Variants in ADAM19 observed in about 807,000 individuals in gnomAD.
The protein encoded by ADAM19 is ADAM metallopeptidase domain 19, also known as disintegrin and metalloproteinase domain-containing protein 19.
In ADAM19, 65 loss-of-function variants were observed where a neutral mutation model predicts 114.7. The observed-to-expected ratio is 0.57, with a 90% CI of 0.46 to 0.70. The LOEUF is 0.70. Among genes scored for constraint, ADAM19 ranks in the 30% least tolerant of loss-of-function variants. The pLI is 0.00. For synonymous variants in ADAM19, 466 were observed against 460.5 expected, an observed-to-expected ratio of 1.01 and a Z score of -0.15; for missense variants, 1,063 against 1,204.7, an observed-to-expected ratio of 0.88 and a Z score of 1.74.
At chr5:157,490,236 T>C (rs1755104406) in intron 19 of ADAM19, 74 bp downstream of exon 19, 1 of 1,556,448 alleles carries the variant, frequency 6.4e-7, no homozygotes, top group African/African-American at 1.4e-5. Flanking sequence ...ACCAACACTT[T>C]TGCTAAGTAC....
intron 5 of ADAM19, among the ~76,000 whole-genome samples, chr5:157,529,720 T>G (rs953803504): frequency 6.6e-6 from 1 of 152,142 alleles, no homozygotes; most frequent in African/African-American, 2.4e-5. Context: ...ACAAGCTGAA[T>G]CCTCACAACT....
chr5:157,483,449 C>T (rs546540160), intron 21 of ADAM19, among the ~76,000 whole-genome samples: 2 of 152,090 alleles, frequency 1.3e-5, no homozygotes, highest in Admixed American at 1.3e-4. Context: ...TAGGGGCTGG[C>T]GTGGGGAGAT....
chr5:157,483,759 G>A (rs1754837398), intron 21 of ADAM19, among the ~76,000 whole-genome samples: 1 of 151,584 alleles, frequency 6.6e-6, no homozygotes, highest in Non-Finnish European at 1.5e-5. Context: ...TCAGCCTCCT[G>A]AGTAGTTGGG....
At chr5:157,505,932 G>A in intron 10 of ADAM19, 124 bp from the exon 11 acceptor site, 2 of 1,113,754 alleles carry the variant, frequency 1.8e-6, no homozygotes, top group Non-Finnish European at 2.5e-6. Flanking sequence ...TGAGCATACA[G>A]ACTCTCCATA....
chr5:157,516,521 T>G (rs1360807191), intron 7 of ADAM19, among the ~76,000 whole-genome samples: 2 of 152,060 alleles, frequency 1.3e-5, no homozygotes, highest in African/African-American at 2.4e-5. Flanking sequence ...TCACACCCAG[T>G]GGGTTTGAAA....
In ADAM19 at chr5:157,490,527, G is replaced by A. The variant is rs61005299; in HGVS notation, c.2096-73C>T. On this transcript the variant is annotated intron_variant, in intron 18 of 22. Coordinates refer to ENST00000257527, the MANE Select transcript of ADAM19 (RefSeq NM_033274.5). ...ACAGCAGATTTCAAAATAGGTATTC[G>A]TGCTTCTTCTTCAGGCATTTGATTT... The A allele has an allele frequency of 2.8e-5, 43 of 1,528,932 alleles. No individual in the cohort carries two copies. In the African/African-American group the frequency reaches 4.9e-4, roughly 18 times the overall value. The allele number at this position is 1,528,932 out of a possible 1,614,324, so 94.7% of individuals were successfully genotyped here. A position where few individuals can be genotyped will look rare whatever the true frequency, so the allele number is the denominator to read the frequency against.
At chr5:157,510,008 A>T (rs1258430475) in intron 8 of ADAM19, among the ~76,000 whole-genome samples, 3 of 152,180 alleles carry the variant, frequency 2.0e-5, no homozygotes, top group Non-Finnish European at 4.4e-5. Context: ...TGTCTGGTAC[A>T]ATTTTTTTCT....
intron 7 of ADAM19, among the ~76,000 whole-genome samples, 169 bp downstream of exon 7, chr5:157,518,654 G>A (rs956423728): frequency 3.9e-5 from 6 of 152,270 alleles, no homozygotes; most frequent in Admixed American, 2.0e-4. Flanking sequence ...AAAGTGCTGG[G>A]ATTACAGGCG....
intron 3 of ADAM19, among the ~76,000 whole-genome samples, chr5:157,551,690 A>G (rs1458536453): frequency 6.6e-6 from 1 of 152,124 alleles, no homozygotes; most frequent in Non-Finnish European, 1.5e-5. Flanking sequence ...GCTTAATAAC[A>G]AGACTATATA....
At chr5:157,528,288 A>T (rs1756528560) in intron 5 of ADAM19, among the ~76,000 whole-genome samples, 2 of 152,240 alleles carry the variant, frequency 1.3e-5, no homozygotes, top group African/African-American at 4.8e-5. Context: ...CATGCAAAAC[A>T]GAAACACACG....
intron 21 of ADAM19, among the ~76,000 whole-genome samples, chr5:157,486,980 C>G (rs2113689736): frequency 6.6e-6 from 1 of 152,230 alleles, no homozygotes; most frequent in South Asian, 2.1e-4. Flanking sequence ...ATAGGAAAGG[C>G]CTCGTGAGAA....
intron 5 of ADAM19, among the ~76,000 whole-genome samples, chr5:157,522,156 T>A (rs1193824475): frequency 1.3e-5 from 2 of 152,226 alleles, no homozygotes; most frequent in African/African-American, 4.8e-5. Flanking sequence ...AAGTGAGCAT[T>A]TTATTCTTCC....
chr5:157,512,969 TC>T (rs1755966033), intron 8 of ADAM19, among the ~76,000 whole-genome samples: 1 of 152,174 alleles, frequency 6.6e-6, no homozygotes, highest in Non-Finnish European at 1.5e-5. Context: ...CTTAAAGGAT[TC>T]TTAAACTGGG....
chr5:157,494,775 G>T lies in ADAM19; in HGVS notation c.1615C>A (p.Leu539Ile). The change falls in exon 15 of 23, where the codon CTC (leucine) becomes ATC (isoleucine). Residue 539 changes from leucine to isoleucine, a missense_variant. By Grantham distance (5) the Leu-to-Ile change is conservative. This residue lies in a region of ADAM19 where 615 missense variants were observed against 706.3 expected (regional missense o/e 0.87). Coordinates refer to ENST00000257527, the MANE Select transcript of ADAM19 (RefSeq NM_033274.5). The stretch of plus-strand genomic sequence containing the variant: ...GCCACATTCACCTTCTCGAAGCAGA[G>T]GTCAGGGGCAGGTCGGGCTCCTGGG... ...WGPGARPAPD[L>I]CFEKVNVAGD... The T allele has an allele frequency of 6.2e-7, 1 of 1,613,792 alleles. No individual in the cohort carries two copies. Among genetic ancestry groups the T allele is most frequent in the Non-Finnish European group, 8.5e-7 (1 of 1,179,764 alleles).
At position 157,509,301 on chromosome 5, in the gene ADAM19, G is replaced by A. The variant is rs775973204; in HGVS notation, c.905C>T (p.Thr302Met). 4.4e-6 allele frequency: 7 copies of A among 1,605,416 alleles called. No individual in the cohort carries two copies. The highest frequency in any genetic ancestry group is 2.2e-5 in the South Asian group (2 of 89,942). Reference sequence around the variant, plus strand: ...CAACATATGGAAAAAGGCTATTTACGTGATTAATTGGGCGTTGTCATGGTA... The same window carrying A: ...CAACATATGGAAAAAGGCTATTTACATGATTAATTGGGCGTTGTCATGGTA... ...QKYHDNAQLI[T>M]GMSFHGTTIG... Residue 302 changes from threonine to methionine, a missense_variant and splice_region_variant, in exon 9 of 23, where the codon ACG becomes ATG. Around this residue, in one of 3 missense-constraint regions of ADAM19, gnomAD observed 615 missense variants for 706.3 expected, o/e 0.87. Transcript: ENST00000257527.
rs768504456 is a variant in ADAM19 at position 157,518,815 on chromosome 5, C to G, written c.666+8G>C. ...GTTTTTCTGCAAGACCCATTGCCTC[C>G]CCCTTACCTCTAAATAATCAGCCAC... On this transcript the variant is annotated splice_region_variant and intron_variant, in intron 7 of 22. Coordinates refer to ENST00000257527, the MANE Select transcript of ADAM19 (RefSeq NM_033274.5). 8 of 1,611,734 alleles carry G rather than the reference C, an allele frequency of 5.0e-6. No homozygotes were observed.
intron 22 of ADAM19, 79 bp from the exon 23 acceptor site, chr5:157,481,081 G>A (rs1326388871): frequency 1.3e-5 from 21 of 1,579,246 alleles, no homozygotes; most frequent in South Asian, 3.4e-5. Context: ...CCATCCTCCC[G>A]ATTTTAGAAG....
At chr5:157,526,332 C>T (rs11742401) in intron 5 of ADAM19, among the ~76,000 whole-genome samples, 47,003 of 151,980 alleles carry the variant, frequency 0.31, 8,029 homozygotes, top group African/African-American at 0.45. Flanking sequence ...AAAGCTTACA[C>T]ATTCCTGCAT....
At position 157,494,751 on chromosome 5, in the gene ADAM19, C is replaced by A; in HGVS notation, c.1639G>T (p.Ala547Ser). 4 of 1,613,890 alleles carry A rather than the reference C, an allele frequency of 2.5e-6. No homozygotes were observed. Among genetic ancestry groups the A allele is most frequent in the Non-Finnish European group, 3.4e-6 (4 of 1,179,808 alleles). ...PDLCFEKVNV[A>S]GDTFGNCGKD... is the part of the protein sequence containing the mutation. The stretch of plus-strand genomic sequence containing the variant: ...CCACAGTTTCCAAAGGTGTCTCCTG[C>A]CACATTCACCTTCTCGAAGCAGAGG... The change falls in exon 15 of 23, where the codon GCA (alanine) becomes TCA (serine). Residue 547 changes from alanine (A) to serine (S), a missense_variant. Around this residue, in one of 3 missense-constraint regions of ADAM19, gnomAD observed 24 missense variants for 53.0 expected, o/e 0.45. Coordinates refer to ENST00000257527, the MANE Select transcript of ADAM19 (RefSeq NM_033274.5).
Sources: gnomAD v4.1 joint callset for allele counts (sites outside exome capture counted in the v4.1 genomes callset) on GRCh38, gnomAD v4.1.1 for gene constraint, gnomAD v4.1.1 regional missense constraint, MANE v1.5 for transcripts, NCBI Gene and HGNC (gene_info 2026-07-23, HGNC 2026-07-21) for gene names.